CAMK2D: variants seen among roughly 807,000 people sequenced by gnomAD.
The protein encoded by CAMK2D is calcium/calmodulin dependent protein kinase II delta.
Under a neutral mutation model 84.0 loss-of-function variants are expected in CAMK2D, and 37 were observed. The observed-to-expected ratio is 0.44, with a 90% confidence interval of 0.34 to 0.58. CAMK2D has a LOEUF of 0.58. Among genes scored for constraint, CAMK2D ranks in the 20% least tolerant of loss-of-function variants. The pLI is 0.02. For missense variants in CAMK2D, 448 were observed against 652.5 expected (o/e 0.69, Z 3.41); for synonymous variants, 202 against 212.5 (o/e 0.95, Z 0.43).
intron 15 of CAMK2D, among the ~76,000 whole-genome samples, chr4:113,501,768 T>C (rs1350685994): frequency 3.3e-5 from 5 of 152,098 alleles, no homozygotes; most frequent in Admixed American, 6.6e-5. Flanking sequence ...ACAAATGATA[T>C]AGCTAGAACT....
intron 20 of CAMK2D, 42 bp from the exon 21 acceptor site, chr4:113,454,557 T>G (rs542310029): frequency 1.3e-6 from 1 of 775,536 alleles, no homozygotes; most frequent in South Asian, 1.4e-5. Context: ...TTATATTGTT[T>G]TACAAAATAT....
chr4:113,634,352 T>C (rs1328930653), intron 3 of CAMK2D, among the ~76,000 whole-genome samples: 2 of 152,170 alleles, frequency 1.3e-5, no homozygotes, highest in African/African-American at 4.8e-5. Flanking sequence ...AGAGACCTCT[T>C]AGGCAAGAAT....
chr4:113,618,068 C>T (rs1038743724), intron 3 of CAMK2D, among the ~76,000 whole-genome samples: 2 of 151,986 alleles, frequency 1.3e-5, no homozygotes, highest in African/African-American at 4.8e-5. Flanking sequence ...CCTATAAGAT[C>T]CTTTCTAAGT....
chr4:113,641,571 AG>A (rs1197140802), intron 3 of CAMK2D, among the ~76,000 whole-genome samples: 2 of 152,352 alleles, frequency 1.3e-5, no homozygotes, highest in South Asian at 4.1e-4. Context: ...GGGAGCCTAG[AG>A]AGCTACAGAG....
intron 3 of CAMK2D, among the ~76,000 whole-genome samples, chr4:113,646,499 C>T (rs1293335391): frequency 6.6e-6 from 1 of 152,168 alleles, no homozygotes; most frequent in East Asian, 1.9e-4. Flanking sequence ...TGCTCTTTCA[C>T]ACACAGCTGT....
At chr4:113,492,135 A>T (rs1222184950) in intron 16 of CAMK2D, among the ~76,000 whole-genome samples, 1 of 151,302 alleles carries the variant, frequency 6.6e-6, no homozygotes. Flanking sequence ...TTGTGTCTCT[A>T]TTTCCTTCAG....
intron 3 of CAMK2D, among the ~76,000 whole-genome samples, chr4:113,646,441 G>A (rs947115499): frequency 6.6e-6 from 1 of 152,190 alleles, no homozygotes; most frequent in Non-Finnish European, 1.5e-5. Context: ...CAGAGATAAA[G>A]CAAGAAGGAT....
At chr4:113,507,201 G>A (rs746724126) in intron 13 of CAMK2D, among the ~76,000 whole-genome samples, 1 of 151,526 alleles carries the variant, frequency 6.6e-6, no homozygotes, top group Non-Finnish European at 1.5e-5. Flanking sequence ...AAGGCAAGAA[G>A]ACGTTCTTTT....
At chr4:113,582,268 G>A (rs555868746) in intron 4 of CAMK2D, among the ~76,000 whole-genome samples, 1 of 152,288 alleles carries the variant, frequency 6.6e-6, no homozygotes, top group Admixed American at 6.5e-5. Context: ...TCCATGAATA[G>A]GATAGGGGTA....
intron 2 of CAMK2D, among the ~76,000 whole-genome samples, chr4:113,727,506 T>C (rs781335828): frequency 1.3e-5 from 2 of 152,140 alleles, no homozygotes; most frequent in African/African-American, 2.4e-5. Context: ...TACCTCATAT[T>C]ATACACAAAA....
intron 2 of CAMK2D, among the ~76,000 whole-genome samples, chr4:113,731,564 T>TAATCTAA (rs936263089): frequency 6.6e-6 from 1 of 150,702 alleles, no homozygotes; most frequent in Non-Finnish European, 1.5e-5. Context: ...GTATAAAAGA[T>TAATCTAA]AATCTAAGCC....
At chr4:113,472,915 T>G (rs1428373145) in intron 16 of CAMK2D, among the ~76,000 whole-genome samples, 1 of 152,188 alleles carries the variant, frequency 6.6e-6, no homozygotes, top group East Asian at 1.9e-4. Flanking sequence ...ATTGGGTACT[T>G]GGCTGTCAGA....
intron 4 of CAMK2D, among the ~76,000 whole-genome samples, chr4:113,560,468 G>A (rs1267778838): frequency 2.0e-5 from 3 of 152,130 alleles, no homozygotes; most frequent in Non-Finnish European, 4.4e-5. Context: ...TGTGGAACAT[G>A]CTTTAAAGCA....
intron 18 of CAMK2D, among the ~76,000 whole-genome samples, chr4:113,458,073 G>A (rs2097326430): frequency 6.6e-6 from 1 of 152,168 alleles, no homozygotes; most frequent in South Asian, 2.1e-4. Context: ...AAATAAGGCT[G>A]GTGGTAGCCT....
At chr4:113,724,214 C>T (rs2099539421) in intron 2 of CAMK2D, among the ~76,000 whole-genome samples, 1 of 151,796 alleles carries the variant, frequency 6.6e-6, no homozygotes, top group Admixed American at 6.6e-5. Context: ...CTGTGGGCTT[C>T]GACAACAAAA....
chr4:113,726,437 G>A (rs191743155), intron 2 of CAMK2D, among the ~76,000 whole-genome samples: 6 of 140,688 alleles, frequency 4.3e-5, no homozygotes, highest in Non-Finnish European at 7.5e-5. Context: ...CTGGGGTGCA[G>A]TGGCACAATC....
chr4:113,508,127 T>C (rs758261282), intron 13 of CAMK2D: 9 of 755,284 alleles, frequency 1.2e-5, no homozygotes, highest in Admixed American at 2.1e-5. Context: ...CACTGACCTG[T>C]AATGGTCCTA....
At chr4:113,674,817 G>T (rs2099311560) in intron 2 of CAMK2D, among the ~76,000 whole-genome samples, 1 of 151,764 alleles carries the variant, frequency 6.6e-6, no homozygotes, top group South Asian at 2.1e-4. Flanking sequence ...TGGGTTTTTT[G>T]TATCACAGTT....
chr4:113,468,918 A>G (rs753826660), intron 16 of CAMK2D, among the ~76,000 whole-genome samples: 1 of 152,198 alleles, frequency 6.6e-6, no homozygotes, highest in Non-Finnish European at 1.5e-5. Context: ...CTAGAACTGA[A>G]GTGCTCAAGC....
Sources: allele counts gnomAD v4.1 joint callset (sites outside exome capture counted in the v4.1 genomes callset), GRCh38; gene constraint gnomAD v4.1.1; transcripts MANE v1.5; gene names NCBI Gene and HGNC (gene_info 2026-07-23, HGNC 2026-07-21).